ANAPC10: variants seen among roughly 807,000 people sequenced by gnomAD.
ANAPC10 encodes the protein anaphase promoting complex subunit 10, also known as anaphase-promoting complex subunit 10.
Under a neutral mutation model 22.0 loss-of-function variants are expected in ANAPC10, and 12 were observed. That is an observed-to-expected ratio of 0.55 (90% confidence interval 0.35 to 0.88). The LOEUF is 0.88. Ranked by LOEUF, ANAPC10 falls within the 40% of genes least tolerant of loss-of-function variation. The pLI is 0.01. For synonymous variants in ANAPC10, 65 were observed against 69.5 expected (o/e 0.94, Z 0.32); for missense variants, 188 against 220.9 (o/e 0.85, Z 0.94).
At chr4:144,998,121 C>A (rs1025410894) in intron 4 of ANAPC10, among the ~76,000 whole-genome samples, 10 of 152,150 alleles carry the variant, frequency 6.6e-5, no homozygotes, top group African/African-American at 2.4e-4. Context: ...GACTCCCACA[C>A]AATAATAATG....
chr4:145,045,323 A>C (rs988774219), intron 4 of ANAPC10, among the ~76,000 whole-genome samples: 4 of 152,104 alleles, frequency 2.6e-5, no homozygotes, highest in East Asian at 1.9e-4. Flanking sequence ...GAGGAAACTG[A>C]GGTTTCAAAA....
chr4:145,079,626 C>A (rs1461866120), intron 3 of ANAPC10, among the ~76,000 whole-genome samples: 1 of 152,132 alleles, frequency 6.6e-6, no homozygotes, highest in Non-Finnish European at 1.5e-5. Flanking sequence ...AGGAATCAAC[C>A]TAGATGCCCA....
At chr4:145,053,786 A>G in intron 4 of ANAPC10, 1 of 647,662 alleles carries the variant, frequency 1.5e-6, no homozygotes, top group Non-Finnish European at 2.8e-6. Context: ...TGAGGCTGAA[A>G]AAAAAAAAAG....
intron 4 of ANAPC10, among the ~76,000 whole-genome samples, chr4:145,017,271 A>C (rs577905786): frequency 6.6e-6 from 1 of 152,330 alleles, no homozygotes; most frequent in African/African-American, 2.4e-5. Context: ...AAACAAATTT[A>C]CAAGAAAAAA....
At chr4:145,066,417 A>T (rs1453213456) in intron 3 of ANAPC10, among the ~76,000 whole-genome samples, 1 of 152,150 alleles carries the variant, frequency 6.6e-6, no homozygotes, top group Non-Finnish European at 1.5e-5. Context: ...ATGAGCCATA[A>T]GCAGGAAGTA....
At chr4:145,004,756 G>T (rs1733093894) in intron 4 of ANAPC10, among the ~76,000 whole-genome samples, 1 of 152,068 alleles carries the variant, frequency 6.6e-6, no homozygotes. Context: ...CTAGTATTTT[G>T]TTGAAGATTT....
intron 3 of ANAPC10, among the ~76,000 whole-genome samples, chr4:145,067,182 T>A (rs989686032): frequency 6.6e-6 from 1 of 152,176 alleles, no homozygotes; most frequent in Non-Finnish European, 1.5e-5. Context: ...TAATATTTCA[T>A]GGAAAAGCAT....
At chr4:145,012,197 C>CAA (rs1734452470) in intron 4 of ANAPC10, among the ~76,000 whole-genome samples, 1 of 90,262 alleles carries the variant, frequency 1.1e-5, no homozygotes, top group African/African-American at 4.3e-5. Context: ...TATATATATA[C>CAA]ACACACACAT....
chr4:145,084,225 T>C (rs776449891), intron 2 of ANAPC10, among the ~76,000 whole-genome samples: 6 of 152,238 alleles, frequency 3.9e-5, no homozygotes, highest in Non-Finnish European at 8.8e-5. Context: ...GCCTTTATTG[T>C]GCATACTAGT....
intron 3 of ANAPC10, among the ~76,000 whole-genome samples, chr4:145,076,864 G>C (rs1454247553): frequency 1.3e-5 from 2 of 152,196 alleles, no homozygotes; most frequent in Non-Finnish European, 2.9e-5. Flanking sequence ...GAATCTCAGA[G>C]AACAAAGACT....
At chr4:145,010,330 C>G (rs1051177813) in intron 4 of ANAPC10, among the ~76,000 whole-genome samples, 1 of 152,196 alleles carries the variant, frequency 6.6e-6, no homozygotes, top group Admixed American at 6.5e-5. Flanking sequence ...TGGGTATATA[C>G]CCAAAGGATT....
intron 3 of ANAPC10, among the ~76,000 whole-genome samples, chr4:145,080,339 A>G (rs1579133917): frequency 6.6e-6 from 1 of 152,252 alleles, no homozygotes; most frequent in East Asian, 1.9e-4. Context: ...ACTCCCTTAA[A>G]CTAAAATAAA....
intron 4 of ANAPC10, chr4:144,999,310 C>G (rs765407699): frequency 6.5e-6 from 1 of 153,698 alleles, no homozygotes; most frequent in East Asian, 1.9e-4. Context: ...AGAGACACAA[C>G]AAGAAAAGAG....
At chr4:145,088,396 A>G (rs1396823353) in intron 2 of ANAPC10, among the ~76,000 whole-genome samples, 1 of 152,178 alleles carries the variant, frequency 6.6e-6, no homozygotes, top group African/African-American at 2.4e-5. Flanking sequence ...TTTCAACTAG[A>G]AAAATAGGCA....
intron 2 of ANAPC10, among the ~76,000 whole-genome samples, chr4:145,089,431 C>G (rs1747358311): frequency 1.3e-5 from 2 of 152,096 alleles, no homozygotes; most frequent in Non-Finnish European, 2.9e-5. Flanking sequence ...TATTTTTCCC[C>G]TAAATTTGTT....
intron 1 of ANAPC10, among the ~76,000 whole-genome samples, chr4:145,096,683 G>T (rs902087993): frequency 9.2e-5 from 14 of 151,906 alleles, no homozygotes; most frequent in Non-Finnish European, 1.8e-4. Flanking sequence ...TTTATTCTAG[G>T]AATATATAAA....
chr4:145,032,857 T>C (rs189941784), intron 4 of ANAPC10, among the ~76,000 whole-genome samples: 4 of 152,340 alleles, frequency 2.6e-5, no homozygotes, highest in Non-Finnish European at 5.9e-5. Flanking sequence ...TTGTCTTCAC[T>C]GGAATAGACA....
At chr4:145,050,841 G>A (rs1740997095) in intron 4 of ANAPC10, among the ~76,000 whole-genome samples, 1 of 152,164 alleles carries the variant, frequency 6.6e-6, no homozygotes, top group Admixed American at 6.5e-5. Flanking sequence ...TTGGCTTAAG[G>A]GAATGTTGTA....
chr4:145,049,892 C>T (rs1050311174), intron 4 of ANAPC10, among the ~76,000 whole-genome samples: 23 of 152,304 alleles, frequency 1.5e-4, no homozygotes, highest in African/African-American at 5.5e-4. Flanking sequence ...AGTTATCTTG[C>T]TGTTTCCACT....
Sources: allele counts gnomAD v4.1 joint callset (sites outside exome capture counted in the v4.1 genomes callset), GRCh38; gene constraint gnomAD v4.1.1; transcripts MANE v1.5; gene names NCBI Gene and HGNC (gene_info 2026-07-23, HGNC 2026-07-21).